The following GPATCH1 variants were observed in gnomAD, a reference collection of about 807,000 sequenced individuals.
GPATCH1 encodes the protein G-patch domain containing 1, also known as G patch domain-containing protein 1.
A neutral mutation model predicts 114.9 loss-of-function variants in GPATCH1; 73 were observed. The ratio of observed to expected loss-of-function variants is 0.64; its 90% CI spans 0.53 to 0.77. GPATCH1 has a LOEUF of 0.77. Ranked by LOEUF, GPATCH1 falls within the 30% of genes least tolerant of loss-of-function variation. The pLI, the probability that GPATCH1 is intolerant of heterozygous loss-of-function variation, is 0.00. For missense variants in GPATCH1, 1,058 were observed against 1,144.3 expected (o/e 0.92, Z 1.09); for synonymous variants, 391 against 428.4 (o/e 0.91, Z 1.08).
intron 15 of GPATCH1, among the ~76,000 whole-genome samples, chr19:33,115,897 G>A (rs972288849): frequency 2.0e-5 from 3 of 151,910 alleles, no homozygotes; most frequent in Non-Finnish European, 4.4e-5. Context: ...GGATATTTTT[G>A]GATTTACGTG....
At chr19:33,110,582 G>A (rs1019319453) in intron 11 of GPATCH1, among the ~76,000 whole-genome samples, 2 of 151,880 alleles carry the variant, frequency 1.3e-5, no homozygotes, top group Non-Finnish European at 2.9e-5. Context: ...AGATCTTTGC[G>A]GAATGTAAAG....
intron 2 of GPATCH1, among the ~76,000 whole-genome samples, chr19:33,088,935 G>GA (rs1972564480): frequency 6.6e-6 from 1 of 152,194 alleles, no homozygotes; most frequent in Non-Finnish European, 1.5e-5. Flanking sequence ...GGGATTACAG[G>GA]TGTGAGCCAC....
Position 33,114,370 on chromosome 19 carries a change from C to G in GPATCH1, c.2147C>G (p.Pro716Arg). The change falls in exon 15 of 20, where the codon CCC becomes CGC. Residue 716 changes from proline to arginine, a missense_variant. Physicochemically the swap from Pro to Arg is moderately radical, Grantham distance 103 (BLOSUM62 -2). This residue lies in a region of GPATCH1 where 893 missense variants were observed against 977.4 expected (regional missense o/e 0.91). Coordinates refer to ENST00000170564, the MANE Select transcript of GPATCH1 (RefSeq NM_018025.3). ...KAEPPKQQSS[P>R]LVNKEEEHAP... ...GAGCCACCTAAACAACAGTCCAGCC[C>G]CTTAGTAAACAAAGAGGAAGAGCAT... 1 of 1,608,920 alleles carries G rather than the reference C, an allele frequency of 6.2e-7. No homozygotes were observed. The highest frequency in any genetic ancestry group is 1.1e-5 in the South Asian group (1 of 90,490).
rs901415456 is a variant in GPATCH1, at chr19:33,111,074, T to C, written c.1586-650T>C. 2.7e-5 allele frequency among the ~76,000 whole-genome samples: 4 copies of C among 150,932 alleles called. No homozygotes were observed. In the East Asian group the frequency reaches 7.8e-4, roughly 29 times the overall value. ...CTCTGTTGCCCAGGCTGGAGTGCAGTGTCAGGATCTTGGCTCACTGCAATC... is the reference window on the plus strand; with the variant it reads ...CTCTGTTGCCCAGGCTGGAGTGCAGCGTCAGGATCTTGGCTCACTGCAATC... On this transcript the variant is annotated intron_variant, in intron 11 of 19. Coordinates refer to ENST00000170564, the MANE Select transcript of GPATCH1 (RefSeq NM_018025.3).
intron 15 of GPATCH1, among the ~76,000 whole-genome samples, chr19:33,114,768 G>GTATATACATTT (rs1286540111): frequency 7.0e-6 from 1 of 142,154 alleles, no homozygotes; most frequent in African/African-American, 2.6e-5. Flanking sequence ...CTTCTTAGGT[G>GTATATACATTT]TATATACATT....
At chr19:33,123,714 C>A (rs1381795065) in intron 17 of GPATCH1, among the ~76,000 whole-genome samples, 1 of 151,262 alleles carries the variant, frequency 6.6e-6, no homozygotes, top group Non-Finnish European at 1.5e-5. Flanking sequence ...CACCATTGCC[C>A]ACCAGTCTGG....
chr19:33,125,673 G>C (rs917199210), intron 18 of GPATCH1, among the ~76,000 whole-genome samples: 1 of 152,002 alleles, frequency 6.6e-6, no homozygotes, highest in Non-Finnish European at 1.5e-5. Flanking sequence ...ACCATGCCCA[G>C]CCCTTAAAAA....
At chr19:33,116,971 G>T (rs937950683) in intron 15 of GPATCH1, among the ~76,000 whole-genome samples, 1 of 152,120 alleles carries the variant, frequency 6.6e-6, no homozygotes, top group Non-Finnish European at 1.5e-5. Context: ...GAGGCAGGGG[G>T]CTTGTTTGAG....
Position 33,130,161 on chromosome 19 carries a change from T to C in GPATCH1, c.*1T>C, listed in dbSNP as rs1293220800. The C allele has an allele frequency of 3.1e-6, 5 of 1,604,298 alleles. No homozygotes were observed. The African/African-American group carries it at 4.0e-5, about 13-fold the overall frequency. On this transcript the variant is annotated 3_prime_UTR_variant, in exon 20 of 20. Coordinates refer to ENST00000170564, the MANE Select transcript of GPATCH1 (RefSeq NM_018025.3). Reference sequence around the variant, plus strand: ...AAGTCTTCCACTAAGAAGGCAGTAATTGAATGCTGCCCTGGCTCGTCCTAG... The same window carrying C: ...AAGTCTTCCACTAAGAAGGCAGTAACTGAATGCTGCCCTGGCTCGTCCTAG...
chr19:33,082,600 C>A (rs1972490425), intron 1 of GPATCH1, among the ~76,000 whole-genome samples: 1 of 152,004 alleles, frequency 6.6e-6, no homozygotes, highest in Non-Finnish European at 1.5e-5. Context: ...TCCCAGCACT[C>A]TGGGAGGCTG....
intron 9 of GPATCH1, among the ~76,000 whole-genome samples, chr19:33,103,447 T>C (rs1972749163): frequency 6.6e-6 from 1 of 152,146 alleles, no homozygotes; most frequent in Non-Finnish European, 1.5e-5. Flanking sequence ...ACACCTATAA[T>C]CCCAACACTT....
intron 11 of GPATCH1, 137 bp downstream of exon 11, chr19:33,110,153 C>T: frequency 2.8e-6 from 2 of 726,610 alleles, no homozygotes; most frequent in Non-Finnish European, 4.4e-6. Context: ...GCAAATAGTG[C>T]AAAGGTTTCA....
chr19:33,105,367 G>A (rs1431184664), intron 9 of GPATCH1, among the ~76,000 whole-genome samples: 2 of 141,046 alleles, frequency 1.4e-5, no homozygotes, highest in African/African-American at 2.6e-5. Flanking sequence ...AGCTGAGATT[G>A]CACCACTGCA....
chr19:33,093,347 A>G lies in GPATCH1; in HGVS notation c.295-12A>G, dbSNP rs1568339453. Reference sequence around the variant, plus strand: ...TTCCAAATAATGTAATTCTGTTTGAATTTTTTTGAAGGATCTTAGTGAATT... The same window carrying G: ...TTCCAAATAATGTAATTCTGTTTGAGTTTTTTTGAAGGATCTTAGTGAATT... On this transcript the variant is annotated splice_polypyrimidine_tract_variant and intron_variant, in intron 3 of 19. Transcript: ENST00000170564. 1 of 1,587,850 alleles carries G rather than the reference A, an allele frequency of 6.3e-7. No individual in the cohort carries two copies. The highest frequency in any genetic ancestry group is 8.6e-7 in the Non-Finnish European group (1 of 1,157,048).
At chr19:33,120,600 T>TGTAATAGCAGTTTGGGAGGCCAAG (rs1212828574) in intron 17 of GPATCH1, among the ~76,000 whole-genome samples, 2 of 146,314 alleles carry the variant, frequency 1.4e-5, no homozygotes, top group African/African-American at 5.0e-5. Flanking sequence ...GGCTCATACT[T>TGTAATAGCAGTTTGGGAGGCCAAG]GTAATAGCAG....
In GPATCH1 at chr19:33,081,187, G is replaced by A. The variant is rs868309174; in HGVS notation, c.-7G>A. ...CGTAGCGAGGGGGCGGGGCCCGGAA[G>A]AGCAGGATGGCGGCGCGGGACAGTG... On this transcript the variant is annotated 5_prime_UTR_variant, in exon 1 of 20. Transcript: ENST00000170564. The A allele has an allele frequency of 2.4e-5, 38 of 1,551,060 alleles. No homozygotes were observed. The highest frequency in any genetic ancestry group is 3.1e-5 in the Non-Finnish European group (36 of 1,146,776).
Position 33,109,925 on chromosome 19 carries a change from A to C in GPATCH1, c.1494A>C (p.Leu498Phe). 6.2e-7 allele frequency: 1 copy of C among 1,614,170 alleles called. No individual in the cohort carries two copies. Among genetic ancestry groups the C allele is most frequent in the Non-Finnish European group, 8.5e-7 (1 of 1,180,016 alleles). ...NMALGGGTAT[L>F]KASNFKPFAK... is the part of the protein sequence containing the mutation. ...CATTAGGTGGTGGGACGGCCACCTT[A>C]AAAGCCAGCAACTTCAAGCCTTTCG... Residue 498 changes from leucine to phenylalanine, a missense_variant, in exon 11 of 20, where the codon TTA (leucine) becomes TTC (phenylalanine). This residue lies in a region of GPATCH1 where 893 missense variants were observed against 977.4 expected (regional missense o/e 0.91). Transcript: ENST00000170564.
chr19:33,100,602 A>AG (rs1972714907), intron 8 of GPATCH1, among the ~76,000 whole-genome samples: 1 of 151,266 alleles, frequency 6.6e-6, no homozygotes. Flanking sequence ...AAAAAAAAAA[A>AG]AAAAAAAGCC....
At chr19:33,126,543 G>A (rs1568352283) in intron 18 of GPATCH1, 45 bp from the exon 19 acceptor site, 1 of 1,605,802 alleles carries the variant, frequency 6.2e-7, no homozygotes, top group Non-Finnish European at 8.5e-7. Context: ...AATTAAGGAG[G>A]AAAAAATACA....
Sources: allele counts gnomAD v4.1 joint callset (sites outside exome capture counted in the v4.1 genomes callset), GRCh38; gene constraint gnomAD v4.1.1; regional missense constraint gnomAD v4.1.1; transcripts MANE v1.5; gene names NCBI Gene and HGNC (gene_info 2026-07-23, HGNC 2026-07-21).